CYYR1: variants seen among roughly 807,000 people sequenced by gnomAD.
CYYR1 encodes cysteine and tyrosine rich 1, also known as cysteine and tyrosine-rich protein 1.
In CYYR1, 14 loss-of-function variants were observed where a neutral mutation model predicts 15.2. The observed-to-expected ratio is 0.92, with a 90% CI of 0.61 to 1.44. The LOEUF (loss-of-function observed/expected upper bound fraction) is 1.44, where lower values mean the gene tolerates loss of function less well. Ranked by LOEUF, CYYR1 falls within the 40% of genes most tolerant of loss-of-function variation. The pLI, the probability that CYYR1 is intolerant of heterozygous loss-of-function variation, is 0.00. For missense variants in CYYR1, 228 were observed against 209.5 expected (o/e 1.09, Z -0.54); for synonymous variants, 80 against 77.4 (o/e 1.03, Z -0.18).
At chr21:26,560,133 C>T (rs1980097280) in intron 2 of CYYR1, among the ~76,000 whole-genome samples, 1 of 152,126 alleles carries the variant, frequency 6.6e-6, no homozygotes, top group Admixed American at 6.6e-5. Context: ...GTAATTTTTA[C>T]ATGGTTATAA....
At chr21:26,533,596 T>C (rs1601801393) in intron 2 of CYYR1, among the ~76,000 whole-genome samples, 1 of 152,096 alleles carries the variant, frequency 6.6e-6, no homozygotes, top group East Asian at 1.9e-4. Flanking sequence ...CTTCCCCCAG[T>C]CCACGAATTC....
chr21:26,487,980 T>G (rs2065273881), intron 2 of CYYR1, among the ~76,000 whole-genome samples: 2 of 151,720 alleles, frequency 1.3e-5, no homozygotes, highest in African/African-American at 4.8e-5. Flanking sequence ...TTGCTTTTTT[T>G]TTTTCTTTCA....
intron 2 of CYYR1, among the ~76,000 whole-genome samples, chr21:26,514,844 A>G (rs543649771): frequency 2.4e-4 from 36 of 152,358 alleles, no homozygotes; most frequent in South Asian, 1.0e-3. Flanking sequence ...AGACTAAGCA[A>G]TTGACGGACA....
intron 2 of CYYR1, among the ~76,000 whole-genome samples, chr21:26,515,376 T>G (rs765148572): frequency 6.6e-6 from 1 of 152,168 alleles, no homozygotes; most frequent in Non-Finnish European, 1.5e-5. Context: ...TCTTTTTTTT[T>G]GGGAGAGAGT....
intron 1 of CYYR1, among the ~76,000 whole-genome samples, chr21:26,570,788 C>A (rs973382958): frequency 6.6e-6 from 1 of 152,180 alleles, no homozygotes; most frequent in Non-Finnish European, 1.5e-5. Context: ...TCTAGCCATA[C>A]CTCTTAGTTC....
chr21:26,493,710 T>G (rs1332374619), intron 2 of CYYR1, among the ~76,000 whole-genome samples: 3 of 152,172 alleles, frequency 2.0e-5, no homozygotes, highest in Non-Finnish European at 4.4e-5. Flanking sequence ...AAGGGAAGTT[T>G]CTGACACCTT....
chr21:26,537,916 A>G (rs935557463), intron 2 of CYYR1, among the ~76,000 whole-genome samples: 1 of 152,174 alleles, frequency 6.6e-6, no homozygotes, highest in Non-Finnish European at 1.5e-5. Flanking sequence ...GAATCTCCCC[A>G]GATAGCAGAT....
At chr21:26,478,204 A>G in intron 3 of CYYR1, 1 of 1,531,992 alleles carries the variant, frequency 6.5e-7, no homozygotes, top group East Asian at 2.5e-5. Context: ...ATCTTGGAAG[A>G]TTAAAAGCAC....
Position 26,572,906 on chromosome 21 carries a change from A to T in CYYR1, c.35T>A (p.Val12Asp). 6.2e-6 allele frequency: 10 copies of T among 1,613,974 alleles called. No homozygotes were observed. Among genetic ancestry groups the T allele is most frequent in the Non-Finnish European group, 8.5e-6 (10 of 1,179,976 alleles). ...GAGCAGGACCAACTTCGGAAGCAAGACCCCTGGACGCACGGGTAGCCTCGG... is the reference window on the plus strand; with the variant it reads ...GAGCAGGACCAACTTCGGAAGCAAGTCCCCTGGACGCACGGGTAGCCTCGG... ...DAPRLPVRPG[V>D]LLPKLVLLFV... Residue 12 changes from valine to aspartate, a missense_variant, in exon 1 of 4, where the codon GTC becomes GAC. Transcript: ENST00000652641.
At chr21:26,485,596 T>C (rs1251792728) in intron 2 of CYYR1, among the ~76,000 whole-genome samples, 2 of 152,088 alleles carry the variant, frequency 1.3e-5, no homozygotes, top group African/African-American at 4.8e-5. Context: ...GTTTTGGAGA[T>C]AGTCTTTTTT....
intron 3 of CYYR1, chr21:26,477,907 G>T: frequency 7.7e-7 from 1 of 1,301,850 alleles, no homozygotes. Context: ...ATTCTTGCAA[G>T]TTGGGAATAT....
At chr21:26,489,820 A>G (rs1314918447) in intron 2 of CYYR1, among the ~76,000 whole-genome samples, 1 of 152,144 alleles carries the variant, frequency 6.6e-6, no homozygotes, top group East Asian at 1.9e-4. Context: ...GTACTGAAAC[A>G]GGTATAATTG....
chr21:26,471,856 G>C (rs964340480), intron 3 of CYYR1, among the ~76,000 whole-genome samples: 5 of 151,960 alleles, frequency 3.3e-5, no homozygotes, highest in Non-Finnish European at 5.9e-5. Flanking sequence ...ATTTAAGTAG[G>C]GTAAATAGGC....
chr21:26,567,220 A>G (rs1207789477), intron 1 of CYYR1, among the ~76,000 whole-genome samples: 2 of 152,314 alleles, frequency 1.3e-5, no homozygotes, highest in African/African-American at 4.8e-5. Flanking sequence ...TGGTAACACA[A>G]TGAGTCTGCA....
At chr21:26,562,799 AACACACACAC>A (rs57351372) in intron 2 of CYYR1, among the ~76,000 whole-genome samples, 15 of 132,610 alleles carry the variant, frequency 1.1e-4, no homozygotes, top group Admixed American at 3.0e-4. Context: ...GACATACACA[AACACACACAC>A]ACACACACAC....
intron 2 of CYYR1, among the ~76,000 whole-genome samples, chr21:26,523,764 T>G (rs2065830544): frequency 6.6e-6 from 1 of 152,166 alleles, no homozygotes; most frequent in Admixed American, 6.6e-5. Context: ...CAACCTAATG[T>G]AGGCTGCCCA....
chr21:26,564,792 G>C, intron 2 of CYYR1: 1 of 1,248,020 alleles, frequency 8.0e-7, no homozygotes, highest in East Asian at 5.7e-5. Context: ...CATTCTCCAA[G>C]TTATACTCGC....
chr21:26,468,513 G>A lies in CYYR1; in HGVS notation c.456C>T (p.Asn152=), dbSNP rs781224725. The change falls in exon 4 of 4, where the codon AAC becomes AAT. Residue 152 remains asparagine, a synonymous_variant. Coordinates refer to ENST00000652641, the MANE Select transcript of CYYR1 (RefSeq NM_001320768.2). ...TCTGGGAGATAGATTATTTCCTTGC[G>A]TTTCCAGGATAAGGAGGGGGTGGAG... The part of the protein sequence containing the change: ...QRSPPPPYPG[N]ARK The A allele has an allele frequency of 4.6e-5, 72 of 1,580,924 alleles. No individual in the cohort carries two copies. The highest frequency in any genetic ancestry group is 1.6e-4 in the East Asian group (7 of 44,696).
chr21:26,543,641 C>T (rs1038516477), intron 2 of CYYR1, among the ~76,000 whole-genome samples: 15 of 152,164 alleles, frequency 9.9e-5, no homozygotes, highest in Non-Finnish European at 2.1e-4. Context: ...CGTGGTGGCT[C>T]ACGCCTGTAA....
Sources: allele counts gnomAD v4.1 joint callset (sites outside exome capture counted in the v4.1 genomes callset), GRCh38; gene constraint gnomAD v4.1.1; transcripts MANE v1.5; gene names NCBI Gene and HGNC (gene_info 2026-07-23, HGNC 2026-07-21).